The following RCC1 variants were observed in gnomAD, a reference collection of about 807,000 sequenced individuals.
The protein encoded by RCC1 is regulator of chromosome condensation 1.
Under a neutral mutation model 44.4 loss-of-function variants are expected in RCC1, and 11 were observed. The ratio of observed to expected loss-of-function variants is 0.25; its 90% CI spans 0.16 to 0.41. The LOEUF (loss-of-function observed/expected upper bound fraction) is 0.41. Among genes scored for constraint, RCC1 ranks in the 10% least tolerant of loss-of-function variants. The probability of loss-of-function intolerance (pLI) is 1.00; values close to 1 mark genes in which losing one functional copy is unlikely to be tolerated. For missense variants in RCC1, 386 were observed against 547.1 expected, an observed-to-expected ratio of 0.71 and a Z score of 2.94; for synonymous variants, 213 against 216.5, an observed-to-expected ratio of 0.98 and a Z score of 0.14.
chr1:28,524,871 A>C (rs1663542163), intron 4 of RCC1, among the ~76,000 whole-genome samples: 1 of 152,048 alleles, frequency 6.6e-6, no homozygotes, highest in Non-Finnish European at 1.5e-5. Context: ...TATGAGAGTA[A>C]AAAAGGGTTA....
intron 4 of RCC1, among the ~76,000 whole-genome samples, chr1:28,521,432 C>T (rs533869739): frequency 3.8e-4 from 55 of 144,354 alleles, no homozygotes; most frequent in South Asian, 2.3e-3. Flanking sequence ...ACCTGGGAGG[C>T]GGAGCTTGCA....
intron 6 of RCC1, 31 bp downstream of exon 6, chr1:28,532,021 C>T (rs781290089): frequency 6.4e-7 from 1 of 1,560,240 alleles, no homozygotes; most frequent in South Asian, 1.2e-5. Context: ...CAGGGTTGGA[C>T]AAGGCCTGGG....
chr1:28,523,021 A>C (rs1462220785), intron 4 of RCC1, among the ~76,000 whole-genome samples: 1 of 144,988 alleles, frequency 6.9e-6, no homozygotes, highest in African/African-American at 2.6e-5. Context: ...GAGGCAGAAG[A>C]AATTTCTTTT....
chr1:28,528,806 C>CCA (rs1394659622), intron 4 of RCC1, among the ~76,000 whole-genome samples: 1 of 101,390 alleles, frequency 9.9e-6, no homozygotes, highest in African/African-American at 3.3e-5. Flanking sequence ...ATTTTTTTTC[C>CCA]AAAAAAAAAA....
chr1:28,524,877 G>C (rs1197603479), intron 4 of RCC1, among the ~76,000 whole-genome samples: 2 of 151,936 alleles, frequency 1.3e-5, no homozygotes, highest in African/African-American at 4.8e-5. Context: ...AGTAAAAAAG[G>C]GTTAGTCTCC....
At position 28,535,962 on chromosome 1, in the gene RCC1, C is replaced by G. The variant is rs775522858; in HGVS notation, c.753C>G (p.Phe251Leu). The change falls in exon 10 of 13, where the codon TTC becomes TTG. Residue 251 changes from phenylalanine to leucine, a missense_variant. Physicochemically the swap from Phe to Leu is conservative, Grantham distance 22. Coordinates refer to ENST00000683442, the MANE Select transcript of RCC1 (RefSeq NM_001381865.2). ...RFQDAFCGAYFTFAISHEGHV... is the reference protein window; with the variant it reads ...RFQDAFCGAYLTFAISHEGHV... Reference sequence around the variant, plus strand: ...AGGATGCCTTTTGTGGTGCCTATTTCACCTTTGCCATCTCCCATGAGGGCC... The same window carrying G: ...AGGATGCCTTTTGTGGTGCCTATTTGACCTTTGCCATCTCCCATGAGGGCC... 1 of 1,614,144 alleles carries G rather than the reference C, an allele frequency of 6.2e-7. No homozygotes were observed. Among genetic ancestry groups the G allele is most frequent in the South Asian group, 1.1e-5 (1 of 91,080 alleles).
chr1:28,531,827 A>C lies in RCC1; in HGVS notation c.98A>C (p.Glu33Ala), dbSNP rs759274998. The part of the protein sequence containing the change: ...VKVSHRSHST[E>A]PGLVLTLGQG... ...GTCTCACACAGGTCCCACAGCACAGAACCCGGCTTGGTGCTGACACTAGGC... is the reference window on the plus strand; with the variant it reads ...GTCTCACACAGGTCCCACAGCACAGCACCCGGCTTGGTGCTGACACTAGGC... The change falls in exon 6 of 13, where the codon GAA becomes GCA. Residue 33 changes from glutamate (E) to alanine (A), a missense_variant. Coordinates refer to ENST00000683442, the MANE Select transcript of RCC1 (RefSeq NM_001381865.2). The C allele has an allele frequency of 9.6e-6, 15 of 1,561,796 alleles. No homozygotes were observed. Among genetic ancestry groups the C allele is most frequent in the Non-Finnish European group, 1.2e-5 (14 of 1,158,108 alleles).
chr1:28,507,103 G>A (rs554208870), intron 1 of RCC1: 30 of 228,466 alleles, frequency 1.3e-4, no homozygotes, highest in African/African-American at 6.1e-4. Context: ...ACAAGTCCAC[G>A]TGTTTCATTT....
intron 7 of RCC1, among the ~76,000 whole-genome samples, chr1:28,534,787 G>A (rs1664438191): frequency 6.6e-6 from 1 of 152,222 alleles, no homozygotes; most frequent in Admixed American, 6.5e-5. Context: ...ATAGTATATT[G>A]AGTGCCCATT....
chr1:28,525,845 T>G (rs1663618069), intron 4 of RCC1, among the ~76,000 whole-genome samples: 1 of 152,136 alleles, frequency 6.6e-6, no homozygotes, highest in South Asian at 2.1e-4. Context: ...GAGGCGAGGT[T>G]CTCGGGAACC....
At chr1:28,527,790 A>C (rs977137698) in intron 4 of RCC1, among the ~76,000 whole-genome samples, 1 of 149,826 alleles carries the variant, frequency 6.7e-6, no homozygotes, top group Non-Finnish European at 1.5e-5. Flanking sequence ...TGGGTGGATC[A>C]TCTGAGGTCA....
intron 1 of RCC1, 151 bp downstream of exon 1, chr1:28,506,235 C>G (rs1280976008): frequency 4.7e-6 from 2 of 429,450 alleles, no homozygotes; most frequent in Admixed American, 5.4e-5. Flanking sequence ...GTCGGTTTGT[C>G]ACTCAGGCTG....
At chr1:28,525,197 T>G (rs563049897) in intron 4 of RCC1, among the ~76,000 whole-genome samples, 1 of 152,268 alleles carries the variant, frequency 6.6e-6, no homozygotes, top group East Asian at 1.9e-4. Context: ...TTCACAGTGC[T>G]TTTCCATACG....
intron 4 of RCC1, chr1:28,526,711 C>A: frequency 2.0e-6 from 1 of 508,642 alleles, no homozygotes; most frequent in East Asian, 3.4e-5. Flanking sequence ...GCCTCACCAA[C>A]ATGGTGAAAT....
chr1:28,526,402 G>C lies in RCC1; in HGVS notation c.-9-3456G>C, dbSNP rs74065011. On this transcript the variant is annotated intron_variant, in intron 4 of 12. Coordinates refer to ENST00000683442, the MANE Select transcript of RCC1 (RefSeq NM_001381865.2). ...CCTTCTAACAGCACACCGAAGTCTC[G>C]AGAAATTCGCTTAGTTAAATCTGAC... The C allele has an allele frequency of 2.8e-4, 123 of 436,554 alleles. 1 individual carries two copies. The highest frequency in any genetic ancestry group is 2.5e-3 in the African/African-American group (121 of 49,012). The allele number at this position is 436,554 out of a possible 1,614,324, so 27.0% of individuals were successfully genotyped here. A position where few individuals can be genotyped will look rare whatever the true frequency, so the allele number is the denominator to read the frequency against.
rs369938775 is a variant in RCC1, at chr1:28,532,001, G to C, written c.261+11G>C. 1 of 1,568,334 alleles carries C rather than the reference G, an allele frequency of 6.4e-7. No homozygotes were observed. Among genetic ancestry groups the C allele is most frequent in the Non-Finnish European group, 8.6e-7 (1 of 1,157,784 alleles). On this transcript the variant is annotated intron_variant, in intron 6 of 12. Transcript: ENST00000683442. ...AGCAAAAGTGGCCAGGTAGGTGTTG[G>C]GGACTGGCACAGGGTTGGACAAGGC...
chr1:28,528,977 C>T (rs1663901795), intron 4 of RCC1, among the ~76,000 whole-genome samples: 1 of 150,540 alleles, frequency 6.6e-6, no homozygotes, highest in South Asian at 2.1e-4. Context: ...ATTCTCCTGC[C>T]TCAGCCTCCC....
At position 28,526,621 on chromosome 1, in the gene RCC1, C is replaced by T. The variant is rs535243956; in HGVS notation, c.-9-3237C>T. 150 of 508,630 alleles carry T rather than the reference C, an allele frequency of 2.9e-4. 2 individuals are homozygous for T. The highest frequency in any genetic ancestry group is 8.1e-4 in the East Asian group (24 of 29,572). The allele number at this position is 508,630 out of a possible 1,614,324, so 31.5% of individuals were successfully genotyped here. On this transcript the variant is annotated intron_variant, in intron 4 of 12. Transcript: ENST00000683442. Reference sequence around the variant, plus strand: ...GTGAAATCCAAAGGATAGGGCTGGGCGCGGTGGCTCACACCTGTAATCCCA... The same window carrying T: ...GTGAAATCCAAAGGATAGGGCTGGGTGCGGTGGCTCACACCTGTAATCCCA...
At chr1:28,522,217 AC>A (rs1350330234) in intron 4 of RCC1, among the ~76,000 whole-genome samples, 1 of 152,156 alleles carries the variant, frequency 6.6e-6, no homozygotes, top group Non-Finnish European at 1.5e-5. Context: ...TGACTTTGAG[AC>A]ACCAGTAGAT....
Sources: allele counts gnomAD v4.1 joint callset (sites outside exome capture counted in the v4.1 genomes callset), GRCh38; gene constraint gnomAD v4.1.1; transcripts MANE v1.5; gene names NCBI Gene and HGNC (gene_info 2026-07-23, HGNC 2026-07-21).